PM20D2: variants seen among roughly 807,000 people sequenced by gnomAD.
PM20D2 encodes the protein xaa-Arg dipeptidase.
A neutral mutation model predicts 42.9 loss-of-function variants in PM20D2; 33 were observed. The ratio of observed to expected loss-of-function variants is 0.77; its 90% CI spans 0.58 to 1.03. PM20D2 has a LOEUF of 1.03. Among genes scored for constraint, PM20D2 ranks in the 50% least tolerant of loss-of-function variants. The pLI is 0.00. For synonymous variants in PM20D2, 250 were observed against 228.2 expected (o/e 1.10, Z -0.86); for missense variants, 548 against 557.0 (o/e 0.98, Z 0.16).
the PM20D2 span, among the ~76,000 whole-genome samples, chr6:89,113,395 A>T: frequency 1.3e-5 from 2 of 152,098 alleles, no homozygotes; most frequent in African/African-American, 4.8e-5. Context: ...GCTGGTCTCG[A>T]ACTCCTGACC....
the PM20D2 span, among the ~76,000 whole-genome samples, chr6:89,137,467 G>A: frequency 1.3e-5 from 2 of 152,198 alleles, no homozygotes; most frequent in African/African-American, 4.8e-5. Context: ...TTTTGGTTTA[G>A]CAACTACAGT....
chr6:89,094,159 G>C, the PM20D2 span, among the ~76,000 whole-genome samples: 1 of 151,822 alleles, frequency 6.6e-6, no homozygotes, highest in Non-Finnish European at 1.5e-5. Context: ...GACCTCAAGC[G>C]ATCTGCTCGC....
intron 4 of PM20D2, among the ~76,000 whole-genome samples, chr6:89,156,074 C>A (rs1008520432): frequency 3.3e-5 from 5 of 151,974 alleles, no homozygotes; most frequent in Non-Finnish European, 5.9e-5. Flanking sequence ...TTAGTAGAGA[C>A]GAGGTTTCAT....
At chr6:89,136,277 A>G in the PM20D2 span, among the ~76,000 whole-genome samples, 7 of 151,280 alleles carry the variant, frequency 4.6e-5, no homozygotes, top group Non-Finnish European at 1.0e-4. Context: ...CATGAGTTAA[A>G]TCATGTTCAC....
At chr6:89,134,851 G>C in the PM20D2 span, among the ~76,000 whole-genome samples, 1 of 151,228 alleles carries the variant, frequency 6.6e-6, no homozygotes, top group Non-Finnish European at 1.5e-5. Flanking sequence ...TTAGGCAAAG[G>C]GATGGTTTCG....
chr6:89,099,443 C>CAT, the PM20D2 span, among the ~76,000 whole-genome samples: 725 of 138,614 alleles, frequency 5.2e-3, 23 homozygotes, highest in African/African-American at 0.02. Flanking sequence ...TATATATACA[C>CAT]ATATATATGT....
the PM20D2 span, chr6:89,098,894 A>C: frequency 6.2e-7 from 1 of 1,613,952 alleles, no homozygotes. Context: ...CCGCCTTGGT[A>C]ATGATTTGGA....
the PM20D2 span, among the ~76,000 whole-genome samples, chr6:89,124,107 C>T: frequency 9.2e-5 from 14 of 152,310 alleles, no homozygotes; most frequent in East Asian, 2.7e-3. Context: ...AGGCTCCAAG[C>T]CTGCTCTCTC....
chr6:89,134,942 C>A, the PM20D2 span, among the ~76,000 whole-genome samples: 1 of 150,864 alleles, frequency 6.6e-6, no homozygotes, highest in African/African-American at 2.5e-5. Context: ...GCTTTTACAT[C>A]GATCAGTCAC....
chr6:89,132,842 A>C, the PM20D2 span, among the ~76,000 whole-genome samples: 5 of 150,924 alleles, frequency 3.3e-5, no homozygotes, highest in Non-Finnish European at 7.4e-5. Context: ...CATCTCAAGA[A>C]AAAAAGAAAG....
chr6:89,146,811 G>A (rs1208662047), intron 1 of PM20D2, among the ~76,000 whole-genome samples: 1 of 152,238 alleles, frequency 6.6e-6, no homozygotes, highest in Non-Finnish European at 1.5e-5. Context: ...TCGCGTTGCC[G>A]ACCTGGCGAC....
the PM20D2 span, chr6:89,098,485 G>C: frequency 7.0e-6 from 10 of 1,424,300 alleles, no homozygotes; most frequent in Non-Finnish European, 9.3e-6. Context: ...ATATCAACTC[G>C]CATTTTCTGT....
the PM20D2 span, among the ~76,000 whole-genome samples, chr6:89,125,600 G>C: frequency 6.6e-6 from 1 of 151,940 alleles, no homozygotes; most frequent in African/African-American, 2.4e-5. Context: ...GACCAAAATG[G>C]TGAAACCCCG....
At position 89,162,194 on chromosome 6, in the gene PM20D2, A is replaced by C. The variant is rs142823072; in HGVS notation, c.1242A>C (p.Leu414Phe). The change falls in exon 7 of 7, where the codon TTA becomes TTC. Residue 414 changes from leucine (L) to phenylalanine (F), a missense_variant. By Grantham distance (22) the Leu-to-Phe change is conservative. Around this residue, in one of 3 missense-constraint regions of PM20D2, gnomAD observed 71 missense variants for 69.7 expected, o/e 1.02. Coordinates refer to ENST00000275072, the MANE Select transcript of PM20D2 (RefSeq NM_001010853.3). ...TGGATGTTATTTTTAAACCAGAGTT[A>C]CTGGAAGGAATCAGAGAGGACTTTA... ...TALDVIFKPE[L>F]LEGIREDFKL... 2.0e-5 allele frequency: 32 copies of C among 1,614,014 alleles called. No homozygotes were observed. The highest frequency in any genetic ancestry group is 2.5e-5 in the Non-Finnish European group (29 of 1,179,944).
the PM20D2 span, among the ~76,000 whole-genome samples, chr6:89,110,979 C>T: frequency 1.3e-5 from 2 of 152,008 alleles, no homozygotes; most frequent in African/African-American, 4.8e-5. Flanking sequence ...ATTAGCTGGG[C>T]GTGGTGTCTA....
the PM20D2 span, chr6:89,118,075 C>T: frequency 3.5e-5 from 7 of 198,066 alleles, no homozygotes; most frequent in Admixed American, 4.8e-4. Flanking sequence ...CCAGCCTGGA[C>T]GCACGGGCCG....
chr6:89,117,064 TAAGG>T, the PM20D2 span, among the ~76,000 whole-genome samples: 2 of 152,000 alleles, frequency 1.3e-5, no homozygotes, highest in African/African-American at 4.8e-5. Flanking sequence ...TCAGCTCCAT[TAAGG>T]AAGGAAGTGC....
chr6:89,122,367 C>T, the PM20D2 span, among the ~76,000 whole-genome samples: 1 of 152,166 alleles, frequency 6.6e-6, no homozygotes, highest in African/African-American at 2.4e-5. Flanking sequence ...ACTATTTCTT[C>T]CTAATTACCA....
the PM20D2 span, among the ~76,000 whole-genome samples, chr6:89,119,640 A>G: frequency 6.6e-6 from 1 of 152,228 alleles, no homozygotes; most frequent in African/African-American, 2.4e-5. Context: ...TTCAGAGGCC[A>G]GAAGTCTGAA....
Sources: gnomAD v4.1 joint callset for allele counts (sites outside exome capture counted in the v4.1 genomes callset) on GRCh38, gnomAD v4.1.1 for gene constraint, gnomAD v4.1.1 regional missense constraint, MANE v1.5 for transcripts, NCBI Gene and HGNC (gene_info 2026-07-23, HGNC 2026-07-21) for gene names.